GRM5: variants seen among roughly 807,000 people sequenced by gnomAD.
GRM5 encodes glutamate metabotropic receptor 5, also known as metabotropic glutamate receptor 5.
GRM5 carries 19 observed loss-of-function variants against 83.1 expected under a neutral mutation model. The ratio of observed to expected loss-of-function variants is 0.23; its 90% CI spans 0.16 to 0.34. The LOEUF (loss-of-function observed/expected upper bound fraction) is 0.34. Among genes scored for constraint, GRM5 ranks in the 10% least tolerant of loss-of-function variants. The pLI, the probability that GRM5 is intolerant of heterozygous loss-of-function variation, is 1.00. For missense variants in GRM5, 1,160 were observed against 1,588.3 expected, an observed-to-expected ratio of 0.73 and a Z score of 4.58; for synonymous variants, 675 against 633.6, an observed-to-expected ratio of 1.07 and a Z score of -0.98.
At chr11:88,689,322 T>C (rs975684142) in intron 3 of GRM5, among the ~76,000 whole-genome samples, 1 of 152,164 alleles carries the variant, frequency 6.6e-6, no homozygotes, top group African/African-American at 2.4e-5. Flanking sequence ...CTATGATGGG[T>C]TTGGCAGCAC....
intron 3 of GRM5, among the ~76,000 whole-genome samples, chr11:88,813,595 T>C (rs1317731630): frequency 1.3e-5 from 2 of 152,292 alleles, no homozygotes; most frequent in South Asian, 2.1e-4. Context: ...TCTAAACATA[T>C]CTCAAAAAGC....
intron 5 of GRM5, among the ~76,000 whole-genome samples, chr11:88,597,775 A>G (rs369754183): frequency 9.2e-5 from 14 of 152,280 alleles, no homozygotes; most frequent in Middle Eastern, 6.8e-3. Flanking sequence ...TTTAGGGGAT[A>G]TAGGGATAAT....
At chr11:88,698,661 C>T (rs1176284793) in intron 3 of GRM5, among the ~76,000 whole-genome samples, 1 of 152,112 alleles carries the variant, frequency 6.6e-6, no homozygotes, top group Admixed American at 6.6e-5. Flanking sequence ...ACAGCTGAGT[C>T]CCCTGTGTGG....
At chr11:88,621,271 T>C (rs922382149) in intron 4 of GRM5, among the ~76,000 whole-genome samples, 1 of 152,226 alleles carries the variant, frequency 6.6e-6, no homozygotes, top group Non-Finnish European at 1.5e-5. Context: ...CACCATTCTT[T>C]TCAATGAGTT....
At chr11:88,751,080 A>AT (rs1161821599) in intron 3 of GRM5, among the ~76,000 whole-genome samples, 27 of 146,460 alleles carry the variant, frequency 1.8e-4, no homozygotes, top group Non-Finnish European at 3.3e-4. Context: ...GCCAAAAAAA[A>AT]AAAAAAAAAA....
At chr11:88,769,437 C>T (rs1942686791) in intron 3 of GRM5, among the ~76,000 whole-genome samples, 1 of 151,944 alleles carries the variant, frequency 6.6e-6, no homozygotes, top group Non-Finnish European at 1.5e-5. Flanking sequence ...ATATGCAACA[C>T]CCAGATCCAG....
At chr11:88,932,018 CCCGTCTCA>C (rs1937723983) in intron 2 of GRM5, among the ~76,000 whole-genome samples, 1 of 152,012 alleles carries the variant, frequency 6.6e-6, no homozygotes, top group Non-Finnish European at 1.5e-5. Context: ...TTAAGATTGA[CCCGTCTCA>C]TCAAAGACTA....
At chr11:88,814,788 C>T (rs1203488169) in intron 3 of GRM5, among the ~76,000 whole-genome samples, 1 of 151,660 alleles carries the variant, frequency 6.6e-6, no homozygotes, top group African/African-American at 2.4e-5. Context: ...GGGAAAAAAA[C>T]AACCAATAAT....
chr11:88,509,354 A>G lies in GRM5; in HGVS notation c.2877T>C (p.Arg959=), dbSNP rs746264580. ...CTGCGCCAGCGCCAGCGCCCAGGCC[A>G]CGGCTCTCCGTGCTCTTGGGGAAGG... ...IKPFPKSTES[R]GLGAGAGAGG... The change falls in exon 10 of 10, where the codon CGT becomes CGC. Residue 959 remains arginine (R), a synonymous_variant. Coordinates refer to ENST00000305447, the MANE Select transcript of GRM5 (RefSeq NM_001143831.3). 6.2e-7 allele frequency: 1 copy of G among 1,609,836 alleles called. No individual in the cohort carries two copies. The highest frequency in any genetic ancestry group is 8.5e-7 in the Non-Finnish European group (1 of 1,178,896).
At chr11:89,039,962 T>C (rs189797855) in intron 2 of GRM5, among the ~76,000 whole-genome samples, 1 of 152,330 alleles carries the variant, frequency 6.6e-6, no homozygotes, top group Admixed American at 6.5e-5. Flanking sequence ...TAGCTAATTT[T>C]TCTTTTTCTT....
intron 2 of GRM5, among the ~76,000 whole-genome samples, chr11:89,000,484 T>C (rs1419921371): frequency 6.6e-6 from 1 of 152,116 alleles, no homozygotes; most frequent in Non-Finnish European, 1.5e-5. Context: ...ATAAGTGATA[T>C]TGGAGTAAGT....
At chr11:88,866,427 A>G (rs1198200581) in intron 2 of GRM5, among the ~76,000 whole-genome samples, 8 of 152,052 alleles carry the variant, frequency 5.3e-5, no homozygotes, top group Admixed American at 5.3e-4. Flanking sequence ...AGGGATGGAT[A>G]GCATTAGGAG....
intron 2 of GRM5, among the ~76,000 whole-genome samples, chr11:89,009,541 T>C (rs1050593626): frequency 6.6e-6 from 1 of 152,074 alleles, no homozygotes; most frequent in African/African-American, 2.4e-5. Flanking sequence ...ATGTATGAAA[T>C]TGTGCAGAAT....
intron 3 of GRM5, among the ~76,000 whole-genome samples, chr11:88,700,455 T>C (rs192852725): frequency 5.5e-4 from 83 of 152,170 alleles, no homozygotes; most frequent in Admixed American, 2.1e-3. Context: ...CTAGAAGCAA[T>C]AGAGACAACA....
chr11:88,590,128 C>T (rs1390536109), intron 7 of GRM5, among the ~76,000 whole-genome samples: 1 of 152,088 alleles, frequency 6.6e-6, no homozygotes, highest in Non-Finnish European at 1.5e-5. Context: ...TACTTAAAAG[C>T]ATATTAGTTG....
intron 8 of GRM5, among the ~76,000 whole-genome samples, chr11:88,540,722 CTTTATT>C (rs1249623477): frequency 1.3e-5 from 2 of 151,906 alleles, no homozygotes; most frequent in African/African-American, 4.8e-5. Flanking sequence ...ATCACATTGT[CTTTATT>C]TTTATTTCTA....
intron 2 of GRM5, among the ~76,000 whole-genome samples, chr11:89,033,473 A>G (rs11826155): frequency 0.04 from 6,059 of 152,074 alleles, 409 homozygotes; most frequent in African/African-American, 0.13. Context: ...TGTACAATCT[A>G]CAAAACTCCA....
At chr11:88,693,919 TA>T (rs1940843314) in intron 3 of GRM5, among the ~76,000 whole-genome samples, 1 of 152,192 alleles carries the variant, frequency 6.6e-6, no homozygotes, top group African/African-American at 2.4e-5. Flanking sequence ...GGGTAATAGA[TA>T]AATGTGAAAT....
intron 2 of GRM5, among the ~76,000 whole-genome samples, chr11:88,987,852 C>CT (rs2135039043): frequency 6.6e-6 from 1 of 150,954 alleles, no homozygotes; most frequent in Admixed American, 6.6e-5. Flanking sequence ...CACCAAAAAC[C>CT]CATCTGTACA....
Sources: gnomAD v4.1 joint callset for allele counts (sites outside exome capture counted in the v4.1 genomes callset) on GRCh38, gnomAD v4.1.1 for gene constraint, MANE v1.5 for transcripts, NCBI Gene and HGNC (gene_info 2026-07-23, HGNC 2026-07-21) for gene names.